Variants in RBMS3 observed in about 807,000 individuals in gnomAD.
RBMS3 encodes the protein RNA-binding motif, single-stranded-interacting protein 3.
RBMS3 carries 27 observed loss-of-function variants against 66.8 expected under a neutral mutation model. That is an observed-to-expected ratio of 0.40 (90% CI 0.30 to 0.56). The LOEUF is 0.56. RBMS3 is among the 20% of genes least tolerant of loss of function. RBMS3 has a pLI of 0.40. For synonymous variants in RBMS3, 188 were observed against 183.0 expected (o/e 1.03, Z -0.22); for missense variants, 513 against 549.5 (o/e 0.93, Z 0.66).
chr3:29,285,226 G>T (rs2125412311), intron 1 of RBMS3, among the ~76,000 whole-genome samples: 1 of 137,900 alleles, frequency 7.3e-6, no homozygotes, highest in Non-Finnish European at 1.6e-5. Flanking sequence ...TGAGGTACTT[G>T]CCGGGGTGGG....
At chr3:29,421,544 C>A in intron 1 of RBMS3, among the ~76,000 whole-genome samples, 1 of 152,072 alleles carries the variant, frequency 6.6e-6, no homozygotes, top group East Asian at 1.9e-4. Flanking sequence ...TAAGTTTTTT[C>A]CACTGACAGT....
intron 4 of RBMS3, among the ~76,000 whole-genome samples, chr3:29,687,042 G>C (rs148251269): frequency 7.4e-4 from 113 of 152,244 alleles, no homozygotes; most frequent in African/African-American, 2.7e-3. Flanking sequence ...ACTAGTACTA[G>C]GAAAGAATGA....
chr3:29,819,798 T>C (rs899816394), intron 6 of RBMS3, among the ~76,000 whole-genome samples: 2 of 152,204 alleles, frequency 1.3e-5, no homozygotes, highest in Non-Finnish European at 2.9e-5. Context: ...CATTTTCTAG[T>C]ATATGAAAAT....
At chr3:29,682,242 T>C (rs556039023) in intron 4 of RBMS3, among the ~76,000 whole-genome samples, 6 of 152,338 alleles carry the variant, frequency 3.9e-5, no homozygotes, top group African/African-American at 1.4e-4. Flanking sequence ...TACTCCCTGG[T>C]TCAAGTGGTT....
intron 4 of RBMS3, among the ~76,000 whole-genome samples, chr3:29,602,267 A>G (rs1234096458): frequency 6.6e-6 from 1 of 152,006 alleles, no homozygotes; most frequent in Non-Finnish European, 1.5e-5. Context: ...GTGTTATTAT[A>G]TCTTAGATGG....
intron 1 of RBMS3, chr3:29,290,687 A>G (rs1235244441): frequency 6.6e-6 from 1 of 151,858 alleles, no homozygotes; most frequent in Non-Finnish European, 1.5e-5. Context: ...CCTGTTTAGG[A>G]CAATTTGGCT....
intron 6 of RBMS3, among the ~76,000 whole-genome samples, chr3:29,772,824 G>A (rs2056268210): frequency 6.6e-6 from 1 of 151,924 alleles, no homozygotes; most frequent in Non-Finnish European, 1.5e-5. Context: ...AAAAAATCTT[G>A]TTAGTTATTT....
At chr3:29,761,075 T>C (rs979850839) in intron 5 of RBMS3, among the ~76,000 whole-genome samples, 2 of 152,086 alleles carry the variant, frequency 1.3e-5, no homozygotes, top group African/African-American at 4.8e-5. Flanking sequence ...AATATGACAA[T>C]GTAGATCCCT....
Position 29,317,198 on chromosome 3 carries a change from A to G in RBMS3, c.75+35442A>G, listed in dbSNP as rs566636458. On this transcript the variant is annotated intron_variant, in intron 1 of 14. Transcript: ENST00000383767. ...CATTTATTCTTGTTTAGGAAGCTTT[A>G]TGTGGGTTGTTAATTTGTTTTTGGC... Among the ~76,000 whole-genome samples, 37 of 151,928 alleles carry G rather than the reference A, an allele frequency of 2.4e-4. 1 individual carries two copies. The South Asian group carries it at 7.7e-3, about 31-fold the overall frequency.
chr3:29,662,555 TAAC>T (rs1268032604), intron 4 of RBMS3, among the ~76,000 whole-genome samples: 1 of 152,176 alleles, frequency 6.6e-6, no homozygotes, highest in Non-Finnish European at 1.5e-5. Flanking sequence ...GCCAACCTGT[TAAC>T]AAAACCATGC....
At chr3:29,612,470 T>A (rs1353797706) in intron 4 of RBMS3, among the ~76,000 whole-genome samples, 1 of 152,084 alleles carries the variant, frequency 6.6e-6, no homozygotes, top group African/African-American at 2.4e-5. Flanking sequence ...AGCATCTTTG[T>A]TTGTACATGA....
At chr3:29,997,062 G>A (rs1485203977) in intron 14 of RBMS3, among the ~76,000 whole-genome samples, 149 of 151,310 alleles carry the variant, frequency 9.8e-4, no homozygotes, top group Middle Eastern at 3.4e-3. Flanking sequence ...TCAAATAGAC[G>A]CAATAAAAAA....
intron 4 of RBMS3, among the ~76,000 whole-genome samples, chr3:29,711,566 C>T (rs566309299): frequency 3.9e-5 from 6 of 152,134 alleles, no homozygotes; most frequent in East Asian, 3.9e-4. Flanking sequence ...CCACCTAATC[C>T]GACCATTTTA....
chr3:29,452,536 A>T (rs552714070), intron 2 of RBMS3, among the ~76,000 whole-genome samples: 30 of 152,340 alleles, frequency 2.0e-4, no homozygotes, highest in African/African-American at 7.2e-4. Flanking sequence ...CATTATTCTG[A>T]CACCTAGAAT....
chr3:29,947,424 TTAAAAA>T (rs1193507171), intron 12 of RBMS3, among the ~76,000 whole-genome samples: 1 of 151,618 alleles, frequency 6.6e-6, no homozygotes, highest in African/African-American at 2.4e-5. Flanking sequence ...TGAATATGTC[TTAAAAA>T]TAATAATAAT....
chr3:29,759,360 G>T (rs557318238), intron 5 of RBMS3, among the ~76,000 whole-genome samples: 1 of 152,286 alleles, frequency 6.6e-6, no homozygotes, highest in South Asian at 2.1e-4. Context: ...AAACCCTGAA[G>T]CTTTATACAA....
chr3:29,775,245 T>A lies in RBMS3; in HGVS notation c.637+12256T>A, dbSNP rs1381383790. Among the ~76,000 whole-genome samples the A allele has an allele frequency of 3.7e-5, 5 of 134,416 alleles. 1 individual carries two copies. The highest frequency in any genetic ancestry group is 7.2e-3 in the Middle Eastern group (2 of 276). The allele number at this position is 134,416 out of a possible 152,430, so 88.2% of individuals were successfully genotyped here. ...TAAATGAGTTCTACCAGTTTTTTTT[T>A]ATTTTTTTATTTTTTATTTATTTTT... On this transcript the variant is annotated intron_variant, in intron 6 of 14. Transcript: ENST00000383767.
chr3:29,353,934 C>G (rs1476442027), intron 1 of RBMS3, among the ~76,000 whole-genome samples: 2 of 152,168 alleles, frequency 1.3e-5, no homozygotes, highest in Admixed American at 1.3e-4. Flanking sequence ...CATTTGAACT[C>G]TACAGCATTT....
intron 8 of RBMS3, among the ~76,000 whole-genome samples, chr3:29,894,801 T>C (rs915464941): frequency 1.3e-5 from 2 of 151,570 alleles, no homozygotes; most frequent in African/African-American, 4.8e-5. Flanking sequence ...GTTGCTAATT[T>C]AGCTACAATC....
Sources: gnomAD v4.1 joint callset for allele counts (sites outside exome capture counted in the v4.1 genomes callset) on GRCh38, gnomAD v4.1.1 for gene constraint, MANE v1.5 for transcripts, NCBI Gene and HGNC (gene_info 2026-07-23, HGNC 2026-07-21) for gene names.